AFG1L: variants seen among roughly 807,000 people sequenced by gnomAD.
The protein encoded by AFG1L is AFG1 like ATPase.
A neutral mutation model predicts 62.2 loss-of-function variants in AFG1L; 53 were observed. The observed-to-expected ratio is 0.85, with a 90% CI of 0.68 to 1.07. The LOEUF is 1.07. Ranked by LOEUF, AFG1L falls within the 50% of genes least tolerant of loss-of-function variation. The pLI, the probability that AFG1L is intolerant of heterozygous loss-of-function variation, is 0.00. For missense variants in AFG1L, 555 were observed against 590.5 expected (o/e 0.94, Z 0.62); for synonymous variants, 228 against 210.3 (o/e 1.08, Z -0.73).
At chr6:108,338,074 T>G (rs1408869386) in intron 2 of AFG1L, among the ~76,000 whole-genome samples, 1 of 152,042 alleles carries the variant, frequency 6.6e-6, no homozygotes, top group African/African-American at 2.4e-5. Context: ...TGGTCCCAGT[T>G]ACTTGGGAGG....
intron 2 of AFG1L, among the ~76,000 whole-genome samples, chr6:108,337,299 T>C (rs559976363): frequency 1.1e-4 from 17 of 152,364 alleles, no homozygotes; most frequent in African/African-American, 3.6e-4. Context: ...TGCAGTGCCC[T>C]GGGTGCCTCA....
chr6:108,508,070 C>T (rs1342849284), intron 10 of AFG1L, among the ~76,000 whole-genome samples: 1 of 152,172 alleles, frequency 6.6e-6, no homozygotes, highest in Non-Finnish European at 1.5e-5. Context: ...GCATATATTA[C>T]TTTGTTTAAT....
intron 1 of AFG1L, among the ~76,000 whole-genome samples, chr6:108,308,669 A>G (rs539318019): frequency 1.4e-4 from 22 of 151,914 alleles, no homozygotes; most frequent in Non-Finnish European, 2.6e-4. Flanking sequence ...TTGTGCCCAG[A>G]TGAAGAAGTT....
At chr6:108,410,942 GC>G (rs2114657565) in intron 7 of AFG1L, among the ~76,000 whole-genome samples, 1 of 152,286 alleles carries the variant, frequency 6.6e-6, no homozygotes, top group South Asian at 2.1e-4. Flanking sequence ...GACAGTGGGT[GC>G]AGTCCTTGGA....
In AFG1L at chr6:108,525,571, A is replaced by G. The variant is rs1488057744; in HGVS notation, c.*3146A>G. 1.3e-5 allele frequency: 2 copies of G among 152,208 alleles called. No individual in the cohort carries two copies. Among genetic ancestry groups the G allele is most frequent in the Non-Finnish European group, 2.9e-5 (2 of 68,022 alleles). The allele number at this position is 152,208 out of a possible 1,614,324, so 9.4% of individuals were successfully genotyped here. ...TAAGTGGATGTGCTTATATCCATTT[A>G]TTTATTTAAGAAACACATGATGTTT... On this transcript the variant is annotated 3_prime_UTR_variant, in exon 13 of 13. Coordinates refer to ENST00000368977, the MANE Select transcript of AFG1L (RefSeq NM_145315.5).
chr6:108,354,754 C>G (rs1779203892), intron 3 of AFG1L, among the ~76,000 whole-genome samples: 1 of 152,008 alleles, frequency 6.6e-6, no homozygotes, highest in Non-Finnish European at 1.5e-5. Context: ...CTCAGGATAG[C>G]CACACAATTT....
intron 10 of AFG1L, among the ~76,000 whole-genome samples, chr6:108,482,297 C>G (rs1283189097): frequency 6.6e-6 from 1 of 152,176 alleles, no homozygotes; most frequent in Non-Finnish European, 1.5e-5. Context: ...TATACTGATA[C>G]TACTTCAGTT....
chr6:108,439,293 C>A (rs890258915), intron 7 of AFG1L, among the ~76,000 whole-genome samples: 1 of 152,108 alleles, frequency 6.6e-6, no homozygotes, highest in Non-Finnish European at 1.5e-5. Context: ...TCTCTAGTAG[C>A]CAGGGAAGTG....
chr6:108,353,109 A>G (rs1779144447), intron 3 of AFG1L, among the ~76,000 whole-genome samples: 1 of 150,226 alleles, frequency 6.7e-6, no homozygotes, highest in Admixed American at 6.6e-5. Flanking sequence ...TTGTGCATAT[A>G]CTCAGAAGTG....
chr6:108,367,072 G>A (rs1457871800), intron 6 of AFG1L, among the ~76,000 whole-genome samples: 2 of 152,130 alleles, frequency 1.3e-5, no homozygotes, highest in African/African-American at 4.8e-5. Context: ...TCTTGGTGCT[G>A]CTTCCCTTTA....
intron 8 of AFG1L, among the ~76,000 whole-genome samples, chr6:108,469,296 T>C (rs1324671831): frequency 6.6e-6 from 1 of 152,180 alleles, no homozygotes; most frequent in Non-Finnish European, 1.5e-5. Flanking sequence ...GGTAGGGTTC[T>C]GGATGCTGAA....
intron 10 of AFG1L, among the ~76,000 whole-genome samples, chr6:108,488,449 T>C (rs1773650360): frequency 6.6e-6 from 1 of 151,670 alleles, no homozygotes; most frequent in Non-Finnish European, 1.5e-5. Context: ...GGTGCAAAGG[T>C]TGGGGGGAGT....
intron 11 of AFG1L, among the ~76,000 whole-genome samples, chr6:108,516,725 G>A (rs971877667): frequency 2.0e-5 from 3 of 152,166 alleles, no homozygotes; most frequent in Non-Finnish European, 4.4e-5. Flanking sequence ...CCTGTTTGCA[G>A]ATGACATGAT....
rs571320065 is a variant in AFG1L at position 108,328,148 on chromosome 6, A to G, written c.363+4100A>G. Among the ~76,000 whole-genome samples the G allele has an allele frequency of 4.6e-5, 7 of 152,380 alleles. No individual in the cohort carries two copies. The East Asian group carries it at 1.3e-3, about 29-fold the overall frequency. On this transcript the variant is annotated intron_variant, in intron 2 of 12. Transcript: ENST00000368977. ...CTGCTTATGTACTGCATATCTAGTT[A>G]TATGTGATATATATATAGGGATATA...
At chr6:108,471,507 C>G (rs1163205855) in intron 8 of AFG1L, among the ~76,000 whole-genome samples, 2 of 131,200 alleles carry the variant, frequency 1.5e-5, no homozygotes, top group Non-Finnish European at 3.1e-5. Flanking sequence ...GTTGCCCAGG[C>G]TGGAGTGCAG....
At chr6:108,426,644 A>G (rs1770828126) in intron 7 of AFG1L, among the ~76,000 whole-genome samples, 1 of 152,212 alleles carries the variant, frequency 6.6e-6, no homozygotes, top group Non-Finnish European at 1.5e-5. Flanking sequence ...TGTGATTTCC[A>G]TAAGACAGCT....
At chr6:108,444,140 G>A (rs529842119) in intron 7 of AFG1L, among the ~76,000 whole-genome samples, 13 of 152,046 alleles carry the variant, frequency 8.6e-5, no homozygotes, top group African/African-American at 2.9e-4. Context: ...TCGAGGGTTT[G>A]GTTCTAGGCT....
rs1300133231 is a variant in AFG1L, at chr6:108,524,931, G to C, written c.*2506G>C. 2 of 152,256 alleles carry C rather than the reference G, an allele frequency of 1.3e-5. No homozygotes were observed. The highest frequency in any genetic ancestry group is 1.3e-4 in the Admixed American group (2 of 15,288). 9.4% of individuals were successfully genotyped at this position (152,256 alleles called of 1,614,324 possible). The stretch of plus-strand genomic sequence containing the variant: ...TGAAAAACAACCCCTAGATTGGAGA[G>C]CAACATTTCACTTTATATGTCTTTC... On this transcript the variant is annotated 3_prime_UTR_variant, in exon 13 of 13. Coordinates refer to ENST00000368977, the MANE Select transcript of AFG1L (RefSeq NM_145315.5).
chr6:108,420,770 A>G (rs1770551601), intron 7 of AFG1L, among the ~76,000 whole-genome samples: 1 of 152,104 alleles, frequency 6.6e-6, no homozygotes, highest in Non-Finnish European at 1.5e-5. Context: ...ATTTGTAGTT[A>G]TCTGGAAAAA....
Sources: gnomAD v4.1 joint callset for allele counts (sites outside exome capture counted in the v4.1 genomes callset) on GRCh38, gnomAD v4.1.1 for gene constraint, MANE v1.5 for transcripts, NCBI Gene and HGNC (gene_info 2026-07-23, HGNC 2026-07-21) for gene names.